The following EIF4G3 variants were observed in gnomAD, a reference collection of about 807,000 sequenced individuals.
The protein encoded by EIF4G3 is eukaryotic translation initiation factor 4 gamma 3.
Under a neutral mutation model 186.4 loss-of-function variants are expected in EIF4G3, and 34 were observed. The ratio of observed to expected loss-of-function variants is 0.18; its 90% confidence interval spans 0.14 to 0.24. The LOEUF (loss-of-function observed/expected upper bound fraction) is 0.24. EIF4G3 is among the 10% of genes least tolerant of loss of function. The pLI, the probability that EIF4G3 is intolerant of heterozygous loss-of-function variation, is 1.00. For synonymous variants in EIF4G3, 673 were observed against 679.5 expected (o/e 0.99, Z 0.15); for missense variants, 1,536 against 1,948.5 (o/e 0.79, Z 3.99).
intron 2 of EIF4G3, among the ~76,000 whole-genome samples, 181 bp from the exon 3 acceptor site, chr1:21,089,394 C>T (rs1439386071): frequency 6.6e-6 from 1 of 152,188 alleles, no homozygotes; most frequent in East Asian, 1.9e-4. Flanking sequence ...AAATCAATCT[C>T]TTCAAAAGCC....
At chr1:20,829,530 G>A (rs553937718) in intron 30 of EIF4G3, among the ~76,000 whole-genome samples, 1 of 152,256 alleles carries the variant, frequency 6.6e-6, no homozygotes, top group East Asian at 1.9e-4. Flanking sequence ...GTACAAGAAG[G>A]AGGTCAGAAA....
intron 3 of EIF4G3, among the ~76,000 whole-genome samples, chr1:21,062,171 G>A (rs1427902256): frequency 2.0e-5 from 3 of 151,558 alleles, no homozygotes; most frequent in South Asian, 2.1e-4. Flanking sequence ...CAATCCTCTC[G>A]TTTCAGCCTC....
intron 4 of EIF4G3, among the ~76,000 whole-genome samples, chr1:21,047,690 T>C (rs1185211237): frequency 4.6e-5 from 7 of 152,186 alleles, no homozygotes; most frequent in Non-Finnish European, 1.0e-4. Flanking sequence ...TAAATCTGTA[T>C]GCCTTTTTCT....
At chr1:20,856,508 C>G (rs2074944310) in intron 25 of EIF4G3, among the ~76,000 whole-genome samples, 1 of 152,180 alleles carries the variant, frequency 6.6e-6, no homozygotes, top group African/African-American at 2.4e-5. Context: ...CTCCAAAGTT[C>G]TTCATCCTCC....
intron 2 of EIF4G3, among the ~76,000 whole-genome samples, chr1:21,167,455 G>A (rs1482545161): frequency 6.6e-6 from 1 of 152,082 alleles, no homozygotes; most frequent in African/African-American, 2.4e-5. Context: ...GATCACCTGA[G>A]ATGAAGAGTT....
At chr1:21,099,600 A>G (rs528478320) in intron 2 of EIF4G3, among the ~76,000 whole-genome samples, 88 of 152,334 alleles carry the variant, frequency 5.8e-4, no homozygotes, top group African/African-American at 1.9e-3. Flanking sequence ...TTTATATAAT[A>G]TACTAGTTAA....
chr1:21,130,399 G>T (rs1192903866), intron 2 of EIF4G3, among the ~76,000 whole-genome samples: 1 of 151,520 alleles, frequency 6.6e-6, no homozygotes, highest in Non-Finnish European at 1.5e-5. Flanking sequence ...TAATTTTTTT[G>T]TGTTTTTTTA....
chr1:20,860,930 C>G (rs1264789624), intron 23 of EIF4G3, among the ~76,000 whole-genome samples: 1 of 152,164 alleles, frequency 6.6e-6, no homozygotes, highest in East Asian at 1.9e-4. Flanking sequence ...TGTGGGATTA[C>G]TACTCAGATC....
intron 2 of EIF4G3, among the ~76,000 whole-genome samples, chr1:21,106,253 C>T (rs1282621907): frequency 6.6e-6 from 1 of 151,628 alleles, no homozygotes; most frequent in Non-Finnish European, 1.5e-5. Flanking sequence ...CTGTTAAAGA[C>T]CATTCATTTT....
chr1:21,055,970 C>G (rs1321146060), intron 3 of EIF4G3, among the ~76,000 whole-genome samples: 8 of 151,970 alleles, frequency 5.3e-5, no homozygotes, highest in Non-Finnish European at 1.0e-4. Flanking sequence ...AAATTAGTAT[C>G]CATTGGTTTG....
At chr1:21,142,180 G>C (rs574575961) in intron 2 of EIF4G3, among the ~76,000 whole-genome samples, 1 of 151,682 alleles carries the variant, frequency 6.6e-6, no homozygotes, top group East Asian at 2.0e-4. Flanking sequence ...CCTCACCTCA[G>C]GGAAAAAACA....
At chr1:20,979,520 A>T (rs1328441987) in intron 10 of EIF4G3, among the ~76,000 whole-genome samples, 1 of 152,318 alleles carries the variant, frequency 6.6e-6, no homozygotes, top group East Asian at 1.9e-4. Flanking sequence ...TTAAGGTGTA[A>T]GGTGGTAGGA....
At chr1:20,864,855 T>A in intron 21 of EIF4G3, 143 bp from the exon 22 acceptor site, 1 of 863,460 alleles carries the variant, frequency 1.2e-6, no homozygotes, top group Non-Finnish European at 1.8e-6. Context: ...ACTATACCCA[T>A]CCATTTCAGA....
At chr1:20,882,039 T>G (rs1331232979) in intron 19 of EIF4G3, among the ~76,000 whole-genome samples, 1 of 151,988 alleles carries the variant, frequency 6.6e-6, no homozygotes, top group Non-Finnish European at 1.5e-5. Context: ...AGTAAGCACC[T>G]GTAGTCCTAG....
intron 22 of EIF4G3, 62 bp from the exon 23 acceptor site, chr1:20,862,394 T>C: frequency 9.8e-7 from 1 of 1,016,790 alleles, no homozygotes. Context: ...TTTACCAATT[T>C]ACAGTTATTT....
At chr1:21,116,376 C>A (rs996763437) in intron 2 of EIF4G3, among the ~76,000 whole-genome samples, 1 of 152,008 alleles carries the variant, frequency 6.6e-6, no homozygotes, top group African/African-American at 2.4e-5. Context: ...TACTTTCCAG[C>A]AGAAACCATG....
At chr1:21,153,653 C>T (rs1197720242) in intron 2 of EIF4G3, among the ~76,000 whole-genome samples, 2 of 152,188 alleles carry the variant, frequency 1.3e-5, no homozygotes, top group African/African-American at 4.8e-5. Flanking sequence ...GAACCTCCGC[C>T]TCCCAGGTTC....
intron 20 of EIF4G3, among the ~76,000 whole-genome samples, chr1:20,870,696 G>A (rs761734979): frequency 9.2e-5 from 14 of 152,122 alleles, no homozygotes; most frequent in Non-Finnish European, 1.9e-4. Context: ...TTTAGATACA[G>A]GACAACATTT....
intron 29 of EIF4G3, among the ~76,000 whole-genome samples, chr1:20,842,693 A>G (rs1422018614): frequency 6.6e-6 from 1 of 152,054 alleles, no homozygotes; most frequent in Non-Finnish European, 1.5e-5. Context: ...TATGCTTTTA[A>G]CCAACTAATT....
Sources: gnomAD v4.1 joint callset for allele counts (sites outside exome capture counted in the v4.1 genomes callset) on GRCh38, gnomAD v4.1.1 for gene constraint, MANE v1.5 for transcripts, NCBI Gene and HGNC (gene_info 2026-07-23, HGNC 2026-07-21) for gene names.